Variants in ZNF276 observed in about 807,000 individuals in gnomAD.
ZNF276 encodes the protein zinc finger protein 276, also known as centromere protein Z.
ZNF276 carries 59 observed loss-of-function variants against 63.9 expected under a neutral mutation model. That is an observed-to-expected ratio of 0.92 (90% confidence interval 0.75 to 1.15). The LOEUF is 1.15. Among genes scored for constraint, ZNF276 ranks in the 50% most tolerant of loss-of-function variants. The probability of loss-of-function intolerance (pLI) is 0.00; values close to 1 mark genes in which losing one functional copy is unlikely to be tolerated. For synonymous variants in ZNF276, 496 were observed against 348.4 expected, an observed-to-expected ratio of 1.42 and a Z score of -4.72; for missense variants, 1,084 against 843.8, an observed-to-expected ratio of 1.28 and a Z score of -3.53.
At chr16:89,722,870 T>C (rs761354862) in intron 2 of ZNF276, 36 bp downstream of exon 2, 1 of 1,586,082 alleles carries the variant, frequency 6.3e-7, no homozygotes, top group East Asian at 2.2e-5. Flanking sequence ...GTTCAGGCTG[T>C]CAGTACTGCA....
rs2062034837 is a variant in ZNF276 at position 89,738,764 on chromosome 16, G to A, written c.*518G>A. The A allele has an allele frequency of 6.2e-7, 1 of 1,612,578 alleles. No individual in the cohort carries two copies. The highest frequency in any genetic ancestry group is 8.5e-7 in the Non-Finnish European group (1 of 1,179,400). On this transcript the variant is annotated 3_prime_UTR_variant, in exon 11 of 11. Coordinates refer to ENST00000443381, the MANE Select transcript of ZNF276 (RefSeq NM_001113525.2). The stretch of plus-strand genomic sequence containing the variant: ...GCCGCCCACTAGGCCTCAGACCACA[G>A]GGGAGGGGCTCTGGCAGAAATAGTC...
Position 89,739,814 on chromosome 16 carries a change from G to T in ZNF276, c.*1568G>T. ...GGCCCATTGGTCCTGGGGTTGACCA[G>T]TGAGCCAGTAAATTATCTTATTGCT... On this transcript the variant is annotated 3_prime_UTR_variant, in exon 11 of 11. Coordinates refer to ENST00000443381, the MANE Select transcript of ZNF276 (RefSeq NM_001113525.2). 5 of 1,466,180 alleles carry T rather than the reference G, an allele frequency of 3.4e-6. No homozygotes were observed. Among genetic ancestry groups the T allele is most frequent in the Non-Finnish European group, 3.6e-6 (4 of 1,112,526 alleles). 90.8% of individuals were successfully genotyped at this position (1,466,180 alleles called of 1,614,324 possible).
intron 2 of ZNF276, 106 bp downstream of exon 2, chr16:89,722,940 G>C (rs2151660491): frequency 6.4e-7 from 1 of 1,556,020 alleles, no homozygotes; most frequent in Admixed American, 1.8e-5. Context: ...TGGGTGGGGG[G>C]AATGGGCCAT....
chr16:89,722,289 T>C (rs1175539183), intron 1 of ZNF276, among the ~76,000 whole-genome samples: 1 of 152,224 alleles, frequency 6.6e-6, no homozygotes, highest in Non-Finnish European at 1.5e-5. Context: ...GGTTTCACTC[T>C]TGAAGTTGCT....
rs1434949972 is a variant in ZNF276 at position 89,734,018 on chromosome 16, A to T, written c.1454A>T (p.His485Leu). ...VFMIDRYLQR[H>L]VKLIHTEVRN... Reference sequence around the variant, plus strand: ...ATGATCGACCGCTACCTGCAGCGCCACGTGAAGCTCATCCACACAGGTACG... The same window carrying T: ...ATGATCGACCGCTACCTGCAGCGCCTCGTGAAGCTCATCCACACAGGTACG... The change falls in exon 9 of 11, where the codon CAC becomes CTC. Residue 485 changes from histidine to leucine, a missense_variant. His to Leu is a moderately conservative substitution (Grantham distance 99). Transcript: ENST00000443381. The T allele has an allele frequency of 6.2e-7, 1 of 1,613,928 alleles. No homozygotes were observed. The highest frequency in any genetic ancestry group is 1.1e-5 in the South Asian group (1 of 91,086).
At chr16:89,735,288 G>GT (rs914394528) in intron 9 of ZNF276, among the ~76,000 whole-genome samples, 30 of 150,214 alleles carry the variant, frequency 2.0e-4, no homozygotes, top group Admixed American at 1.5e-3. Flanking sequence ...TTGGTAAGGG[G>GT]TGGGGGGGGG....
At chr16:89,720,428 C>T (rs1024633877), upstream of ZNF276, 1 of 1,034,532 alleles carries the variant, frequency 9.7e-7, no homozygotes, top group South Asian at 4.6e-5. Context: ...CAGAAAAATG[C>T]ACGAACGCAC....
rs748269284 is a variant in ZNF276, at chr16:89,738,288, G to T, written c.*42G>T. On this transcript the variant is annotated 3_prime_UTR_variant, in exon 11 of 11. Coordinates refer to ENST00000443381, the MANE Select transcript of ZNF276 (RefSeq NM_001113525.2). ...GAGCACCTCTAGCAGCCTGGACTCC[G>T]CAGTGGCTGTGTCAGCCTCACCCTT... 2 of 1,548,556 alleles carry T rather than the reference G, an allele frequency of 1.3e-6. No homozygotes were observed. Among genetic ancestry groups the T allele is most frequent in the South Asian group, 2.4e-5 (2 of 84,806 alleles).
rs772736966 is a variant in ZNF276, at chr16:89,738,568, G to T, written c.*322G>T. The T allele has an allele frequency of 6.2e-7, 1 of 1,612,666 alleles. No homozygotes were observed. The highest frequency in any genetic ancestry group is 1.3e-5 in the African/African-American group (1 of 74,892). ...TATGCTTGTAATAAATTATTTACAC[G>T]GGAGCTGGGCTGGTGTGCAGTGGCA... On this transcript the variant is annotated 3_prime_UTR_variant, in exon 11 of 11. Coordinates refer to ENST00000443381, the MANE Select transcript of ZNF276 (RefSeq NM_001113525.2).
intron 4 of ZNF276, among the ~76,000 whole-genome samples, chr16:89,726,084 C>T (rs1163314344): frequency 7.2e-5 from 11 of 152,230 alleles, no homozygotes; most frequent in Admixed American, 7.2e-4. Context: ...GGCACAATCT[C>T]GGCTCACTGC....
At chr16:89,733,460 C>G (rs754270113) in intron 7 of ZNF276, 22 bp from the exon 8 acceptor site, 2 of 1,614,126 alleles carry the variant, frequency 1.2e-6, no homozygotes, top group Non-Finnish European at 1.7e-6. Context: ...GGCCGGGGCT[C>G]CATGCATGCT....
chr16:89,732,724 CCGTT>C (rs1262436015), intron 6 of ZNF276: 3,726 of 198,860 alleles, frequency 0.019, 164 homozygotes, highest in Middle Eastern at 0.044. Context: ...TCGTCCTCTG[CCGTT>C]TGCCCCTGAC....
intron 6 of ZNF276, 147 bp from the exon 7 acceptor site, chr16:89,733,155 G>C: frequency 2.7e-6 from 2 of 751,902 alleles, no homozygotes; most frequent in Non-Finnish European, 4.4e-6. Flanking sequence ...TCTGGCTTTG[G>C]TGGCTTCAGG....
At chr16:89,721,047 G>A (rs1362196502), upstream of ZNF276, 40 of 495,768 alleles carry the variant, frequency 8.1e-5, no homozygotes, top group East Asian at 1.6e-3. Context: ...AGTGGCGGGG[G>A]CGGCAGAGTC....
intron 9 of ZNF276, among the ~76,000 whole-genome samples, chr16:89,736,854 G>T (rs2061929403): frequency 6.7e-6 from 1 of 149,014 alleles, no homozygotes; most frequent in African/African-American, 2.5e-5. Context: ...CCAGTGAGCT[G>T]AGATTGGGCT....
In ZNF276 at chr16:89,733,858, G is replaced by A. The variant is rs1252302004; in HGVS notation, c.1357-63G>A. 6.6e-6 allele frequency: 10 copies of A among 1,517,740 alleles called. No individual in the cohort carries two copies. The East Asian group carries it at 2.3e-4, about 34-fold the overall frequency. 94.0% of individuals were successfully genotyped at this position (1,517,740 alleles called of 1,614,324 possible). A position where few individuals can be genotyped will look rare whatever the true frequency, so the allele number is the denominator to read the frequency against. On this transcript the variant is annotated intron_variant, in intron 8 of 10. Transcript: ENST00000443381. ...CCAGGGGCCTCAGCTGTCACCTACT[G>A]AGGGCTCGTGCCATGTGGCCCGGGT...
chr16:89,730,799 G>T (rs1292375641), intron 6 of ZNF276, among the ~76,000 whole-genome samples: 1 of 152,190 alleles, frequency 6.6e-6, no homozygotes, highest in African/African-American at 2.4e-5. Flanking sequence ...ACAGCCCCCG[G>T]CCCGTGTGCT....
rs370277447 is a variant in ZNF276 at position 89,733,402 on chromosome 16, C to G, written c.1270C>G (p.Arg424Gly). The change falls in exon 7 of 11, where the codon CGT (arginine) becomes GGT (glycine). Residue 424 changes from arginine to glycine, a missense_variant. Coordinates refer to ENST00000443381, the MANE Select transcript of ZNF276 (RefSeq NM_001113525.2). ...CAAGCCCGGATGGAAGAAGAAGCTT[C>G]GTTGTGAGAGGTGATGCCTGCAACG... is the stretch of plus-strand genomic sequence containing the variant. The part of the protein sequence containing the change: ...GPKPGWKKKL[R>G]CEREELPTIY... The G allele has an allele frequency of 1.2e-6, 2 of 1,614,142 alleles. No homozygotes were observed. Among genetic ancestry groups the G allele is most frequent in the Admixed American group, 1.7e-5 (1 of 60,020 alleles).
Position 89,722,686 on chromosome 16 carries a change from C to T in ZNF276, c.361C>T (p.Leu121Phe), listed in dbSNP as rs935050362. 5.6e-6 allele frequency: 9 copies of T among 1,612,300 alleles called. No individual in the cohort carries two copies. Among genetic ancestry groups the T allele is most frequent in the Non-Finnish European group, 7.6e-6 (9 of 1,180,040 alleles). ...RVLVRDFQRLLGVAVRQDPTL... is the reference protein window; with the variant it reads ...RVLVRDFQRLFGVAVRQDPTL... ...GCTCGTACGGGACTTCCAGCGCCTG[C>T]TTGGTGTGGCTGTCCGCCAGGACCC... is the stretch of plus-strand genomic sequence containing the variant. The change falls in exon 2 of 11, where the codon CTT becomes TTT. Residue 121 changes from leucine to phenylalanine, a missense_variant. Leu to Phe is a conservative substitution (Grantham distance 22). Coordinates refer to ENST00000443381, the MANE Select transcript of ZNF276 (RefSeq NM_001113525.2).
Sources: gnomAD v4.1 joint callset for allele counts (sites outside exome capture counted in the v4.1 genomes callset) on GRCh38, gnomAD v4.1.1 for gene constraint, MANE v1.5 for transcripts, NCBI Gene and HGNC (gene_info 2026-07-23, HGNC 2026-07-21) for gene names.